The following RGS6 variants were observed in gnomAD, a reference collection of about 807,000 sequenced individuals.
RGS6 encodes the protein regulator of G-protein signaling 6.
RGS6 carries 30 observed loss-of-function variants against 78.5 expected under a neutral mutation model. The ratio of observed to expected loss-of-function variants is 0.38; its 90% CI spans 0.29 to 0.52. The LOEUF is 0.52. Among genes scored for constraint, RGS6 ranks in the 20% least tolerant of loss-of-function variants. The probability of loss-of-function intolerance (pLI) is 0.85; values close to 1 mark genes in which losing one functional copy is unlikely to be tolerated. For synonymous variants in RGS6, 206 were observed against 206.0 expected (o/e 1.00, Z 0.00); for missense variants, 495 against 609.7 (o/e 0.81, Z 1.98).
intron 12 of RGS6, among the ~76,000 whole-genome samples, chr14:72,481,913 A>G (rs1176987502): frequency 1.4e-5 from 2 of 145,658 alleles, no homozygotes; most frequent in African/African-American, 5.2e-5. Context: ...GGTTCACACC[A>G]TTCTCCTGCC....
intron 3 of RGS6, among the ~76,000 whole-genome samples, chr14:72,361,665 C>T (rs933773189): frequency 1.3e-5 from 2 of 152,102 alleles, no homozygotes; most frequent in Non-Finnish European, 2.9e-5. Context: ...GAAGACTGAG[C>T]TGTGTGAATA....
At chr14:72,602,383 T>G in the RGS6 span, among the ~76,000 whole-genome samples, 1 of 152,182 alleles carries the variant, frequency 6.6e-6, no homozygotes, top group Admixed American at 6.5e-5. Context: ...GTGACTGTGT[T>G]TAATCCTCAC....
intron 15 of RGS6, 93 bp from the exon 16 acceptor site, chr14:72,536,093 T>C: frequency 1.0e-6 from 1 of 1,004,588 alleles, no homozygotes; most frequent in Non-Finnish European, 1.6e-6. Flanking sequence ...TTCCTTCATC[T>C]CCTTCCCCAA....
intron 4 of RGS6, 145 bp downstream of exon 4, chr14:72,454,723 A>G: frequency 1.6e-6 from 1 of 610,474 alleles, no homozygotes; most frequent in Non-Finnish European, 2.9e-6. Context: ...ATTTACAAAT[A>G]AAATTAATTT....
chr14:72,453,615 CA>C (rs60280790), intron 3 of RGS6, among the ~76,000 whole-genome samples: 529 of 52,008 alleles, frequency 0.01, 1 homozygote, highest in African/African-American at 0.03. Context: ...GACTCCGTCT[CA>C]AAAAAAAAAA....
intron 17 of RGS6, among the ~76,000 whole-genome samples, chr14:72,557,196 G>C (rs2097591557): frequency 6.6e-6 from 1 of 152,112 alleles, no homozygotes; most frequent in South Asian, 2.1e-4. Flanking sequence ...ACAGAGTTGA[G>C]TTAATAGAGG....
intron 2 of RGS6, among the ~76,000 whole-genome samples, chr14:71,997,487 A>C (rs549287458): frequency 5.3e-5 from 8 of 152,350 alleles, no homozygotes; most frequent in African/African-American, 1.9e-4. Flanking sequence ...AAATTATATT[A>C]AAATCATAAT....
intron 3 of RGS6, among the ~76,000 whole-genome samples, chr14:72,440,022 C>A (rs920194516): frequency 6.6e-6 from 1 of 152,222 alleles, no homozygotes; most frequent in African/African-American, 2.4e-5. Context: ...ACCTTCCTTA[C>A]ACCCTCCCCA....
chr14:72,361,020 C>T (rs847334), intron 3 of RGS6, among the ~76,000 whole-genome samples: 58,185 of 151,356 alleles, frequency 0.38, 13,485 homozygotes, highest in African/African-American at 0.66. Context: ...CTTCCCTTTT[C>T]GCCATGATTG....
chr14:72,070,111 C>A (rs948076487), intron 2 of RGS6, among the ~76,000 whole-genome samples: 2 of 151,986 alleles, frequency 1.3e-5, no homozygotes, highest in African/African-American at 4.8e-5. Flanking sequence ...GATTTGCTGG[C>A]TGTCATTCAT....
rs1176857569 is a variant in RGS6, at chr14:72,229,696, ATGTAC to A, written c.85-122396_85-122392del. ...GATCAAATTAACTTAAGAAACATAA[ATGTAC>A]TGGCTTACTGAGTTGGGAAGTCCAG... On this transcript the variant is annotated intron_variant, in intron 2 of 17. Coordinates refer to ENST00000553525, the MANE Select transcript of RGS6 (RefSeq NM_001204424.2). Among the ~76,000 whole-genome samples, 6 of 152,320 alleles carry A rather than the reference ATGTAC, an allele frequency of 3.9e-5. No homozygotes were observed. In the East Asian group the frequency reaches 1.2e-3, roughly 29 times the overall value.
chr14:71,909,556 G>A, the RGS6 span, among the ~76,000 whole-genome samples: 1 of 108,126 alleles, frequency 9.2e-6, no homozygotes, highest in African/African-American at 3.8e-5. Context: ...GAGAGGGAGA[G>A]AGAGAGAGAA....
At chr14:72,177,459 C>CCCA (rs2097121339) in intron 2 of RGS6, among the ~76,000 whole-genome samples, 1 of 152,112 alleles carries the variant, frequency 6.6e-6, no homozygotes, top group Non-Finnish European at 1.5e-5. Context: ...AGCATGGCAC[C>CCCA]AGTCCAACCA....
At chr14:72,396,297 G>A (rs567284019) in intron 3 of RGS6, among the ~76,000 whole-genome samples, 1 of 152,318 alleles carries the variant, frequency 6.6e-6, no homozygotes, top group Non-Finnish European at 1.5e-5. Context: ...GTGATGATGA[G>A]CATTTTTCCC....
intron 13 of RGS6, among the ~76,000 whole-genome samples, chr14:72,509,225 C>T (rs551781045): frequency 4.0e-5 from 6 of 151,894 alleles, no homozygotes; most frequent in Admixed American, 3.3e-4. Context: ...ATTAGCCAGA[C>T]GTGGTGGTAC....
chr14:71,965,548 G>A lies in RGS6; in HGVS notation c.84+673G>A, dbSNP rs532368924. ...AGGAAAGTAACAGCAACCGGAACTG[G>A]TTAGCTTGGACATAGGATGCATTAC... On this transcript the variant is annotated intron_variant, in intron 2 of 17. Transcript: ENST00000553525. 1.3e-3 allele frequency among the ~76,000 whole-genome samples: 192 copies of A among 152,332 alleles called. 1 individual carries two copies. The Middle Eastern group carries it at 0.027, about 22-fold the overall frequency.
chr14:71,886,008 T>C, the RGS6 span, among the ~76,000 whole-genome samples: 1 of 149,288 alleles, frequency 6.7e-6, no homozygotes, highest in African/African-American at 2.4e-5. Context: ...TCCCTTCCCT[T>C]TCCTTCTCTC....
chr14:72,304,504 T>G (rs1248359955), intron 2 of RGS6, among the ~76,000 whole-genome samples: 1 of 152,250 alleles, frequency 6.6e-6, no homozygotes, highest in African/African-American at 2.4e-5. Flanking sequence ...TTCCACATTT[T>G]GCATCTGAAG....
At chr14:72,266,971 A>C (rs1220257051) in intron 2 of RGS6, among the ~76,000 whole-genome samples, 1 of 150,994 alleles carries the variant, frequency 6.6e-6, no homozygotes, top group Non-Finnish European at 1.5e-5. Context: ...TATACTACCC[A>C]TGAGCTAAGC....
Sources: allele counts gnomAD v4.1 joint callset (sites outside exome capture counted in the v4.1 genomes callset), GRCh38; gene constraint gnomAD v4.1.1; transcripts MANE v1.5; gene names NCBI Gene and HGNC (gene_info 2026-07-23, HGNC 2026-07-21).